Variants in PCSK5 observed in about 807,000 individuals in gnomAD.
PCSK5 encodes the protein proprotein convertase subtilisin/kexin type 5.
PCSK5 carries 129 observed loss-of-function variants against 233.2 expected under a neutral mutation model. That is an observed-to-expected ratio of 0.55 (90% confidence interval 0.48 to 0.64). PCSK5 has a LOEUF of 0.64. Among genes scored for constraint, PCSK5 ranks in the 30% least tolerant of loss-of-function variants. The pLI is 0.00. For missense variants in PCSK5, 2,076 were observed against 2,430.1 expected, an observed-to-expected ratio of 0.85 and a Z score of 3.06; for synonymous variants, 825 against 879.2, an observed-to-expected ratio of 0.94 and a Z score of 1.09.
chr9:76,098,988 C>T (rs1831648139), intron 8 of PCSK5, among the ~76,000 whole-genome samples: 1 of 152,182 alleles, frequency 6.6e-6, no homozygotes, highest in Admixed American at 6.5e-5. Flanking sequence ...GGAAAGTGGA[C>T]ACCATGACTA....
At chr9:76,288,682 T>C (rs1434378688) in intron 24 of PCSK5, among the ~76,000 whole-genome samples, 1 of 152,214 alleles carries the variant, frequency 6.6e-6, no homozygotes. Flanking sequence ...GCCGACATTT[T>C]ATTTCTCACA....
At chr9:76,175,946 A>G (rs1195160436) in intron 14 of PCSK5, among the ~76,000 whole-genome samples, 1 of 152,094 alleles carries the variant, frequency 6.6e-6, no homozygotes, top group African/African-American at 2.4e-5. Context: ...ATTGTCTCTC[A>G]CATTGTTTCG....
At chr9:76,017,897 A>G (rs1828014311) in intron 3 of PCSK5, among the ~76,000 whole-genome samples, 1 of 151,894 alleles carries the variant, frequency 6.6e-6, no homozygotes, top group African/African-American at 2.4e-5. Context: ...CAGAATCTCT[A>G]CTTCGTATAC....
At chr9:76,190,752 A>ATGAT (rs1377555057) in intron 20 of PCSK5, among the ~76,000 whole-genome samples, 2 of 149,326 alleles carry the variant, frequency 1.3e-5, no homozygotes, top group African/African-American at 4.9e-5. Context: ...GAGCTAGGAA[A>ATGAT]TGATAGACCT....
intron 5 of PCSK5, among the ~76,000 whole-genome samples, chr9:76,029,326 G>A (rs1828559520): frequency 1.3e-5 from 2 of 151,826 alleles, no homozygotes; most frequent in African/African-American, 4.8e-5. Flanking sequence ...ATTAGTTTGG[G>A]GACTTACATA....
intron 20 of PCSK5, among the ~76,000 whole-genome samples, chr9:76,212,702 C>T (rs1305012810): frequency 6.6e-6 from 1 of 152,220 alleles, no homozygotes; most frequent in African/African-American, 2.4e-5. Context: ...ATTTATCAGT[C>T]ATAATGACAT....
At chr9:75,963,133 A>G (rs1241811192) in intron 2 of PCSK5, among the ~76,000 whole-genome samples, 2 of 152,146 alleles carry the variant, frequency 1.3e-5, no homozygotes, top group African/African-American at 4.8e-5. Context: ...TTTAATTACC[A>G]TATAAAAGCA....
intron 20 of PCSK5, among the ~76,000 whole-genome samples, chr9:76,215,706 T>C (rs139513427): frequency 8.5e-4 from 130 of 152,178 alleles, no homozygotes; most frequent in African/African-American, 3.0e-3. Context: ...CAGGCGATCC[T>C]TCTCTGTAAG....
intron 24 of PCSK5, among the ~76,000 whole-genome samples, chr9:76,291,720 GA>G (rs1828283003): frequency 6.6e-6 from 1 of 152,194 alleles, no homozygotes; most frequent in African/African-American, 2.4e-5. Flanking sequence ...GTTTTTTTAA[GA>G]AAGTTGCGAA....
At position 76,182,528 on chromosome 9, in the gene PCSK5, GT is replaced by G. The variant is rs3077111; in HGVS notation, c.2197+947del. Among the ~76,000 whole-genome samples, 12 of 147,768 alleles carry G rather than the reference GT, an allele frequency of 8.1e-5. No individual in the cohort carries two copies. The East Asian group carries it at 1.8e-3, about 22-fold the overall frequency. On this transcript the variant is annotated intron_variant, in intron 16 of 37. Transcript: ENST00000674117. ...CAATACAAGTAGAATTTGGGGGAGTGTTTTTTTTTTCTAATGAATAGGAGTA... is the reference window on the plus strand; with the variant it reads ...CAATACAAGTAGAATTTGGGGGAGTGTTTTTTTTTCTAATGAATAGGAGTA...
intron 7 of PCSK5, among the ~76,000 whole-genome samples, chr9:76,086,183 G>C (rs1301826955): frequency 6.6e-6 from 1 of 152,082 alleles, no homozygotes; most frequent in African/African-American, 2.4e-5. Context: ...CTTTTGGCAG[G>C]TGTGAGAATA....
chr9:76,158,195 T>C (rs778513283), intron 11 of PCSK5, among the ~76,000 whole-genome samples: 1 of 152,010 alleles, frequency 6.6e-6, no homozygotes, highest in Non-Finnish European at 1.5e-5. Context: ...AATAAACAAA[T>C]GTTGGAAATT....
chr9:76,054,450 AG>A (rs1327660719), intron 5 of PCSK5, among the ~76,000 whole-genome samples: 1 of 152,230 alleles, frequency 6.6e-6, no homozygotes, highest in Non-Finnish European at 1.5e-5. Flanking sequence ...GGCAGATAAA[AG>A]GAGAGAAAAG....
At chr9:76,032,687 C>T (rs1322150767) in intron 5 of PCSK5, among the ~76,000 whole-genome samples, 1 of 152,148 alleles carries the variant, frequency 6.6e-6, no homozygotes, top group Non-Finnish European at 1.5e-5. Flanking sequence ...AAGCTGACTG[C>T]ATTGTTCTAG....
intron 5 of PCSK5, among the ~76,000 whole-genome samples, chr9:76,062,575 C>G (rs1830066838): frequency 6.6e-6 from 1 of 152,148 alleles, no homozygotes. Context: ...CAGATATTTT[C>G]TCCATATGTC....
chr9:76,238,992 G>A lies in PCSK5; in HGVS notation c.2900G>A (p.Gly967Glu), dbSNP rs372055352. ...GGCCGAGAGCACTTCCTGTACCAGG[G>A]AGAGTGTGGAGATAGCTGCCCAGAG... Reference protein sequence around the residue: ...NYGREHFLYQGECGDSCPEGH... With the variant: ...NYGREHFLYQEECGDSCPEGH... Residue 967 changes from glycine to glutamate, a missense_variant, in exon 23 of 38, where the codon GGA becomes GAA. Physicochemically the swap from Gly to Glu is moderately conservative, Grantham distance 98. Coordinates refer to ENST00000674117, the MANE Select transcript of PCSK5 (RefSeq NM_001372043.1). The A allele has an allele frequency of 3.0e-5, 48 of 1,612,208 alleles. No homozygotes were observed. The highest frequency in any genetic ancestry group is 3.9e-5 in the Non-Finnish European group (46 of 1,179,728).
chr9:76,097,594 G>A (rs1831590517), intron 8 of PCSK5, among the ~76,000 whole-genome samples: 1 of 152,220 alleles, frequency 6.6e-6, no homozygotes, highest in African/African-American at 2.4e-5. Flanking sequence ...GGCTCAGCCT[G>A]CTGCGTGAGT....
At position 76,289,496 on chromosome 9, in the gene PCSK5, C is replaced by CA. The variant is rs1554717442; in HGVS notation, c.3143-2736dup. 2.2e-5 allele frequency among the ~76,000 whole-genome samples: 3 copies of CA among 135,026 alleles called. No individual in the cohort carries two copies. In the South Asian group the frequency reaches 7.2e-4, roughly 32 times the overall value. 88.6% of individuals were successfully genotyped at this position (135,026 alleles called of 152,430 possible). On this transcript the variant is annotated intron_variant, in intron 24 of 37. Transcript: ENST00000674117. ...ACACACACACACACACACACACACA[C>CA]ACACACACACACACGCAACATACAC...
intron 20 of PCSK5, 130 bp downstream of exon 20, chr9:76,189,876 G>T: frequency 1.7e-6 from 1 of 575,020 alleles, no homozygotes. Flanking sequence ...TATTTTGGTG[G>T]CATTCATTCA....
Sources: allele counts gnomAD v4.1 joint callset (sites outside exome capture counted in the v4.1 genomes callset), GRCh38; gene constraint gnomAD v4.1.1; transcripts MANE v1.5; gene names NCBI Gene and HGNC (gene_info 2026-07-23, HGNC 2026-07-21).